The following FBXW7 variants were observed in gnomAD, a reference collection of about 807,000 sequenced individuals.
The protein encoded by FBXW7 is F-box and WD repeat domain containing 7.
A neutral mutation model predicts 86.3 loss-of-function variants in FBXW7; 11 were observed. The observed-to-expected ratio is 0.13, with a 90% CI of 0.08 to 0.21. The LOEUF (loss-of-function observed/expected upper bound fraction) is 0.21, where lower values mean the gene tolerates loss of function less well. Among genes scored for constraint, FBXW7 ranks in the 10% least tolerant of loss-of-function variants. The pLI, the probability that FBXW7 is intolerant of heterozygous loss-of-function variation, is 1.00. For missense variants in FBXW7, 488 were observed against 847.4 expected (o/e 0.58, Z 5.27); for synonymous variants, 313 against 297.9 (o/e 1.05, Z -0.52).
At chr4:152,424,246 C>A (rs1010265777) in intron 2 of FBXW7, among the ~76,000 whole-genome samples, 1 of 152,112 alleles carries the variant, frequency 6.6e-6, no homozygotes, top group Non-Finnish European at 1.5e-5. Context: ...TTTCTACCCC[C>A]ACAAGCAGCC....
chr4:152,368,562 C>T (rs1249658081), intron 4 of FBXW7, among the ~76,000 whole-genome samples: 2 of 151,956 alleles, frequency 1.3e-5, no homozygotes, highest in Non-Finnish European at 2.9e-5. Context: ...AGTCTCAATT[C>T]TTATGTAGTA....
At chr4:152,442,579 G>A (rs1269573497) in intron 2 of FBXW7, among the ~76,000 whole-genome samples, 1 of 152,190 alleles carries the variant, frequency 6.6e-6, no homozygotes, top group Non-Finnish European at 1.5e-5. Flanking sequence ...GTTTACACAA[G>A]AGGTTAGCTA....
intron 4 of FBXW7, among the ~76,000 whole-genome samples, chr4:152,408,740 C>CAT (rs1332081769): frequency 6.6e-6 from 1 of 152,124 alleles, no homozygotes; most frequent in Non-Finnish European, 1.5e-5. Context: ...TAGGGGGCAG[C>CAT]ATAGCATGTG....
chr4:152,429,091 G>A (rs548109775), intron 2 of FBXW7, among the ~76,000 whole-genome samples: 24 of 152,246 alleles, frequency 1.6e-4, no homozygotes, highest in African/African-American at 5.3e-4. Flanking sequence ...TTGGGAGGCC[G>A]AGGCAGGAGA....
At chr4:152,397,424 A>G (rs113412533) in intron 4 of FBXW7, among the ~76,000 whole-genome samples, 1 of 151,730 alleles carries the variant, frequency 6.6e-6, no homozygotes, top group African/African-American at 2.4e-5. Flanking sequence ...TCTTTTCTTG[A>G]TATTTCTAAA....
Position 152,423,886 on chromosome 4 carries a change from T to A in FBXW7, c.-119-11357A>T, listed in dbSNP as rs183669348. 5.0e-4 allele frequency among the ~76,000 whole-genome samples: 76 copies of A among 151,618 alleles called. No individual in the cohort carries two copies. The East Asian group carries it at 0.013, about 26-fold the overall frequency. ...CACTAGAGGAGGTTCTGGAATAGAA[T>A]GTTCTATTTTTTTATTTGAGTGTTG... is the stretch of plus-strand genomic sequence containing the variant. On this transcript the variant is annotated intron_variant, in intron 2 of 13. Transcript: ENST00000281708.
intron 2 of FBXW7, among the ~76,000 whole-genome samples, chr4:152,525,516 C>T (rs1264074796): frequency 6.6e-6 from 1 of 152,146 alleles, no homozygotes; most frequent in Non-Finnish European, 1.5e-5. Context: ...TAAGTTCTTA[C>T]CATTTAGCTC....
At chr4:152,404,270 C>T (rs1000644372) in intron 4 of FBXW7, among the ~76,000 whole-genome samples, 1 of 152,052 alleles carries the variant, frequency 6.6e-6, no homozygotes, top group Non-Finnish European at 1.5e-5. Flanking sequence ...CAAAAAAGAC[C>T]ACATAGAATA....
intron 2 of FBXW7, among the ~76,000 whole-genome samples, chr4:152,511,989 C>T (rs1393970142): frequency 6.6e-6 from 1 of 151,954 alleles, no homozygotes; most frequent in Non-Finnish European, 1.5e-5. Flanking sequence ...ACAAAGTTAA[C>T]CAGAAAATCA....
At chr4:152,527,475 A>T (rs1010540207) in intron 2 of FBXW7, among the ~76,000 whole-genome samples, 5 of 152,220 alleles carry the variant, frequency 3.3e-5, no homozygotes, top group Admixed American at 6.5e-5. Flanking sequence ...GTTAAAAAAT[A>T]CACACACTCT....
At chr4:152,438,300 A>T (rs1192281173) in intron 2 of FBXW7, among the ~76,000 whole-genome samples, 1 of 152,194 alleles carries the variant, frequency 6.6e-6, no homozygotes. Flanking sequence ...GGAAACAATA[A>T]ATTCTTGTGA....
At chr4:152,404,975 C>G (rs1737275909) in intron 4 of FBXW7, among the ~76,000 whole-genome samples, 3 of 151,604 alleles carry the variant, frequency 2.0e-5, no homozygotes, top group Admixed American at 6.6e-5. Flanking sequence ...ACGAGTGGTC[C>G]CAGTTACTCG....
chr4:152,490,870 A>G (rs1745782331), intron 2 of FBXW7, among the ~76,000 whole-genome samples: 2 of 152,160 alleles, frequency 1.3e-5, no homozygotes, highest in South Asian at 4.1e-4. Context: ...AACATACAGC[A>G]AGCAGTACAA....
chr4:152,512,979 G>A (rs564810113), intron 2 of FBXW7, among the ~76,000 whole-genome samples: 151 of 152,040 alleles, frequency 9.9e-4, no homozygotes, highest in African/African-American at 3.4e-3. Context: ...CTCCTGCCTC[G>A]GCCTCCCAAA....
intron 4 of FBXW7, among the ~76,000 whole-genome samples, chr4:152,373,529 G>A (rs1026278037): frequency 6.6e-6 from 1 of 151,774 alleles, no homozygotes; most frequent in Non-Finnish European, 1.5e-5. Context: ...TAAATTGACG[G>A]CAAGATGTAA....
intron 4 of FBXW7, among the ~76,000 whole-genome samples, chr4:152,392,529 C>T (rs1256341378): frequency 3.9e-5 from 6 of 152,138 alleles, no homozygotes; most frequent in Admixed American, 2.6e-4. Context: ...TTTTGCACCT[C>T]CAGCCATGAT....
In FBXW7 at chr4:152,475,582, T is replaced by C. The variant is rs556896492; in HGVS notation, c.-120+59359A>G. Among the ~76,000 whole-genome samples the C allele has an allele frequency of 9.1e-4, 138 of 152,338 alleles. 1 individual carries two copies. Among genetic ancestry groups the C allele is most frequent in the Non-Finnish European group, 1.6e-3 (107 of 68,034 alleles). On this transcript the variant is annotated intron_variant, in intron 2 of 13. Coordinates refer to ENST00000281708, the MANE Select transcript of FBXW7 (RefSeq NM_001349798.2). ...AGGTATACAAATTTAAAATGAAATT[T>C]TGTAAAACAGCCTTTATTCAAAAGC...
intron 4 of FBXW7, among the ~76,000 whole-genome samples, chr4:152,376,436 C>T (rs768292185): frequency 6.6e-6 from 1 of 152,006 alleles, no homozygotes; most frequent in Non-Finnish European, 1.5e-5. Flanking sequence ...TTTAATAAGC[C>T]TAGCAGACCT....
At chr4:152,443,541 A>T (rs1741094676) in intron 2 of FBXW7, among the ~76,000 whole-genome samples, 1 of 152,200 alleles carries the variant, frequency 6.6e-6, no homozygotes, top group South Asian at 2.1e-4. Context: ...CTTTGTGCTT[A>T]ACGTGGCTAC....
Sources: gnomAD v4.1 joint callset for allele counts (sites outside exome capture counted in the v4.1 genomes callset) on GRCh38, gnomAD v4.1.1 for gene constraint, MANE v1.5 for transcripts, NCBI Gene and HGNC (gene_info 2026-07-23, HGNC 2026-07-21) for gene names.